The following ZNF585A variants were observed in gnomAD, a reference collection of about 807,000 sequenced individuals.
ZNF585A encodes zinc finger protein 585A.
A neutral mutation model predicts 14.9 loss-of-function variants in ZNF585A; 9 were observed. That is an observed-to-expected ratio of 0.60 (90% CI 0.36 to 1.05). The LOEUF is 1.05. Ranked by LOEUF, ZNF585A falls within the 50% of genes least tolerant of loss-of-function variation. ZNF585A has a pLI of 0.01. For missense variants in ZNF585A, 726 were observed against 926.4 expected (o/e 0.78, Z 2.81); for synonymous variants, 276 against 319.9 (o/e 0.86, Z 1.46).
At chr19:37,161,598 C>G (rs1972014348) in intron 2 of ZNF585A, among the ~76,000 whole-genome samples, 2 of 152,036 alleles carry the variant, frequency 1.3e-5, no homozygotes, top group Admixed American at 1.3e-4. Context: ...TCCCCTTCCA[C>G]CTTCTCCTCC....
intron 1 of ZNF585A, among the ~76,000 whole-genome samples, chr19:37,172,173 GC>G (rs1972193299): frequency 6.6e-6 from 1 of 152,050 alleles, no homozygotes; most frequent in Non-Finnish European, 1.5e-5. Flanking sequence ...AGGTCATAAA[GC>G]AATTTTTCAA....
chr19:37,160,670 A>C (rs1440928517), intron 2 of ZNF585A, among the ~76,000 whole-genome samples: 2 of 152,192 alleles, frequency 1.3e-5, no homozygotes, highest in East Asian at 1.9e-4. Context: ...AAACACTCCA[A>C]GCTAATAAAT....
chr19:37,151,301 A>G lies in ZNF585A; in HGVS notation c.*288T>C. 1 of 447,168 alleles carries G rather than the reference A, an allele frequency of 2.2e-6. No individual in the cohort carries two copies. The highest frequency in any genetic ancestry group is 3.8e-5 in the Admixed American group (1 of 26,480). The allele number at this position is 447,168 out of a possible 1,614,324, so 27.7% of individuals were successfully genotyped here. A position where few individuals can be genotyped will look rare whatever the true frequency, so the allele number is the denominator to read the frequency against. On this transcript the variant is annotated 3_prime_UTR_variant, in exon 5 of 5. Transcript: ENST00000292841. ...GATCTTTCTTAGGAAGAATTTGGTA[A>G]CAGTATTCTATTGTAGTTTTCATGA...
In ZNF585A at chr19:37,152,408, G is replaced by A; in HGVS notation, c.1491C>T (p.Ser497=). ...TCTGGGTGAAGGCCTTTCCACATTT[G>A]GAACATATATAAGATTTCTCTCCTG... is the stretch of plus-strand genomic sequence containing the variant. ...THTGEKSYIC[S]KCGKAFTQRS... The change falls in exon 5 of 5, where the codon TCC becomes TCT. Residue 497 remains serine (S), a synonymous_variant. Transcript: ENST00000292841. The A allele has an allele frequency of 6.2e-7, 1 of 1,613,544 alleles. No individual in the cohort carries two copies. Among genetic ancestry groups the A allele is most frequent in the Admixed American group, 1.7e-5 (1 of 59,966 alleles).
At chr19:37,165,870 C>T (rs1436999863) in intron 2 of ZNF585A, among the ~76,000 whole-genome samples, 2 of 152,142 alleles carry the variant, frequency 1.3e-5, no homozygotes, top group Admixed American at 1.3e-4. Flanking sequence ...GGACTTTGAA[C>T]CATTTAAATT....
At chr19:37,156,386 C>T in intron 2 of ZNF585A, 31 bp from the exon 3 acceptor site, 4 of 1,613,618 alleles carry the variant, frequency 2.5e-6, no homozygotes, top group Non-Finnish European at 2.5e-6. Flanking sequence ...TCAATGTGCA[C>T]AGTCAGCTTA....
In ZNF585A at chr19:37,156,431, T is replaced by C. The variant is rs1394473909; in HGVS notation, c.73-76A>G. 2.6e-6 allele frequency: 4 copies of C among 1,526,484 alleles called. No individual in the cohort carries two copies. In the African/African-American group the frequency reaches 5.5e-5, roughly 21 times the overall value. 94.6% of individuals were successfully genotyped at this position (1,526,484 alleles called of 1,614,324 possible). On this transcript the variant is annotated intron_variant, in intron 2 of 4. Coordinates refer to ENST00000292841, the MANE Select transcript of ZNF585A (RefSeq NM_001288800.2). ...AGAGACTATATTTAGGAATATGGAA[T>C]ACAGGTCTTGTTGTTTTAAATTTAC...
intron 2 of ZNF585A, among the ~76,000 whole-genome samples, chr19:37,157,683 A>C (rs1971952186): frequency 6.6e-6 from 1 of 152,218 alleles, no homozygotes; most frequent in South Asian, 2.1e-4. Context: ...AAAATACACC[A>C]TGAGTTTAGG....
At chr19:37,166,316 CTTT>C (rs112585283) in intron 2 of ZNF585A, among the ~76,000 whole-genome samples, 1 of 127,176 alleles carries the variant, frequency 7.9e-6, no homozygotes, top group Non-Finnish European at 1.7e-5. Flanking sequence ...GCTGCCCAGT[CTTT>C]TTTTTTTTTT....
At chr19:37,156,480 C>G (rs1971933564) in intron 2 of ZNF585A, 125 bp from the exon 3 acceptor site, 1 of 1,267,922 alleles carries the variant, frequency 7.9e-7, no homozygotes, top group South Asian at 1.8e-5. Context: ...AAACTCACTC[C>G]CATTTCTCTA....
Position 37,151,924 on chromosome 19 carries a change from C to T in ZNF585A, c.1975G>A (p.Glu659Lys). Reference sequence around the variant, plus strand: ...CATTCAGAACAAATGTAGGGCTTTTCTCCGGTATGAGTTTTCTGGTGCTTA... The same window carrying T: ...CATTCAGAACAAATGTAGGGCTTTTTTCCGGTATGAGTTTTCTGGTGCTTA... Reference protein sequence around the residue: ...LSKHQKTHTGEKPYICSECGK... With the variant: ...LSKHQKTHTGKKPYICSECGK... Residue 659 changes from glutamate to lysine, a missense_variant, in exon 5 of 5, where the codon GAA becomes AAA. Glu to Lys is a moderately conservative substitution (Grantham distance 56). Around this residue, in one of 2 missense-constraint regions of ZNF585A, gnomAD observed 243 missense variants for 383.6 expected, o/e 0.63. Coordinates refer to ENST00000292841, the MANE Select transcript of ZNF585A (RefSeq NM_001288800.2). The T allele has an allele frequency of 6.2e-7, 1 of 1,613,456 alleles. No individual in the cohort carries two copies. The highest frequency in any genetic ancestry group is 8.5e-7 in the Non-Finnish European group (1 of 1,179,858).
chr19:37,161,007 A>G (rs1199790065), intron 2 of ZNF585A, among the ~76,000 whole-genome samples: 1 of 152,146 alleles, frequency 6.6e-6, no homozygotes, highest in Non-Finnish European at 1.5e-5. Context: ...AGCTGCCACT[A>G]CAGACACATA....
chr19:37,157,656 A>G (rs747881283), intron 2 of ZNF585A, among the ~76,000 whole-genome samples: 24 of 152,186 alleles, frequency 1.6e-4, no homozygotes, highest in Non-Finnish European at 3.2e-4. Flanking sequence ...GACAAGAATA[A>G]AAGGTGTAGA....
intron 2 of ZNF585A, among the ~76,000 whole-genome samples, chr19:37,168,416 C>T (rs1972130538): frequency 6.6e-6 from 1 of 152,148 alleles, no homozygotes. Flanking sequence ...GCAAACAAGA[C>T]CAATCTCTGA....
In ZNF585A at chr19:37,145,825, G is replaced by T. The variant is rs189583717; in HGVS notation, c.*5764C>A. The T allele has an allele frequency of 2.6e-4, 40 of 152,318 alleles. No homozygotes were observed. The South Asian group carries it at 6.2e-3, about 24-fold the overall frequency. The allele number at this position is 152,318 out of a possible 1,614,324, so 9.4% of individuals were successfully genotyped here. Reference sequence around the variant, plus strand: ...CACCTGAAGGTGGCAGAAACTAGCAGAGACAGAGGATTTCTTAGCATCAGA... The same window carrying T: ...CACCTGAAGGTGGCAGAAACTAGCATAGACAGAGGATTTCTTAGCATCAGA... On this transcript the variant is annotated 3_prime_UTR_variant, in exon 5 of 5. Coordinates refer to ENST00000292841, the MANE Select transcript of ZNF585A (RefSeq NM_001288800.2).
At chr19:37,167,914 G>A (rs1299101432) in intron 2 of ZNF585A, among the ~76,000 whole-genome samples, 2 of 152,146 alleles carry the variant, frequency 1.3e-5, no homozygotes, top group East Asian at 1.9e-4. Context: ...ACAGGCGTGA[G>A]CCACCGCCCC....
chr19:37,166,772 A>G (rs1972098638), intron 2 of ZNF585A, among the ~76,000 whole-genome samples: 1 of 152,052 alleles, frequency 6.6e-6, no homozygotes, highest in Non-Finnish European at 1.5e-5. Flanking sequence ...CAGGATTCCA[A>G]AAAGAAGCAA....
chr19:37,158,949 G>A (rs995042391), intron 2 of ZNF585A, among the ~76,000 whole-genome samples: 1 of 152,008 alleles, frequency 6.6e-6, no homozygotes, highest in African/African-American at 2.4e-5. Context: ...TTCAGATAAA[G>A]TAAGAATGGC....
chr19:37,146,226 C>T lies in ZNF585A; in HGVS notation c.*5363G>A, dbSNP rs1971742672. The T allele has an allele frequency of 6.6e-6, 1 of 151,856 alleles. No homozygotes were observed. Among genetic ancestry groups the T allele is most frequent in the African/African-American group, 2.4e-5 (1 of 41,300 alleles). 9.4% of individuals were successfully genotyped at this position (151,856 alleles called of 1,614,324 possible). A position where few individuals can be genotyped will look rare whatever the true frequency, so the allele number is the denominator to read the frequency against. On this transcript the variant is annotated 3_prime_UTR_variant, in exon 5 of 5. Transcript: ENST00000292841. ...TGAAACCCCATCTCTACTAAAAATA[C>T]AAAAAATTAGCTGGGTGTGGTGGTG...
Sources: allele counts gnomAD v4.1 joint callset (sites outside exome capture counted in the v4.1 genomes callset), GRCh38; gene constraint gnomAD v4.1.1; regional missense constraint gnomAD v4.1.1; transcripts MANE v1.5; gene names NCBI Gene and HGNC (gene_info 2026-07-23, HGNC 2026-07-21).